Variants in ZNRF3 observed in about 807,000 individuals in gnomAD.
ZNRF3 encodes zinc and ring finger 3, also known as E3 ubiquitin-protein ligase ZNRF3.
Under a neutral mutation model 72.5 loss-of-function variants are expected in ZNRF3, and 23 were observed. The ratio of observed to expected loss-of-function variants is 0.32; its 90% CI spans 0.23 to 0.45. The LOEUF (loss-of-function observed/expected upper bound fraction) is 0.45, where lower values mean the gene tolerates loss of function less well. Ranked by LOEUF, ZNRF3 falls within the 20% of genes least tolerant of loss-of-function variation. The pLI is 1.00. For synonymous variants in ZNRF3, 610 were observed against 545.3 expected (o/e 1.12, Z -1.65); for missense variants, 1,169 against 1,272.1 (o/e 0.92, Z 1.23).
intron 1 of ZNRF3, among the ~76,000 whole-genome samples, chr22:28,908,558 C>T (rs2034256097): frequency 6.6e-6 from 1 of 152,052 alleles, no homozygotes; most frequent in Non-Finnish European, 1.5e-5. Context: ...TTTAAATGAT[C>T]CTTGTGGAGC....
intron 1 of ZNRF3, among the ~76,000 whole-genome samples, chr22:28,964,216 G>A (rs1169529775): frequency 6.6e-6 from 1 of 152,180 alleles, no homozygotes; most frequent in Non-Finnish European, 1.5e-5. Context: ...TATATTGATT[G>A]TGTTTCTAAG....
At chr22:29,011,211 G>C (rs1196281506) in intron 2 of ZNRF3, among the ~76,000 whole-genome samples, 4 of 152,168 alleles carry the variant, frequency 2.6e-5, no homozygotes, top group Non-Finnish European at 5.9e-5. Flanking sequence ...TAGGCTCTTG[G>C]GGTCTTGATG....
chr22:29,017,788 T>G (rs542835762), intron 2 of ZNRF3, among the ~76,000 whole-genome samples: 1 of 152,204 alleles, frequency 6.6e-6, no homozygotes, highest in South Asian at 2.1e-4. Flanking sequence ...CTTATATCCG[T>G]CAACCAGGAT....
At chr22:28,974,495 C>T (rs2035635167) in intron 1 of ZNRF3, among the ~76,000 whole-genome samples, 1 of 152,136 alleles carries the variant, frequency 6.6e-6, no homozygotes, top group South Asian at 2.1e-4. Flanking sequence ...GCCTGGTGTC[C>T]AGCCACAAGG....
chr22:28,901,736 G>A (rs1402525122), intron 1 of ZNRF3, among the ~76,000 whole-genome samples: 1 of 149,006 alleles, frequency 6.7e-6, no homozygotes, highest in East Asian at 2.0e-4. Flanking sequence ...TGCCTCCTGG[G>A]TTCAAGCGAT....
chr22:29,001,484 T>TTTTTC, intron 2 of ZNRF3, among the ~76,000 whole-genome samples: 1 of 149,752 alleles, frequency 6.7e-6, no homozygotes, highest in South Asian at 2.1e-4. Context: ...TTTTTTTTTT[T>TTTTTC]TTTTTGAGAT....
intron 1 of ZNRF3, among the ~76,000 whole-genome samples, chr22:28,980,865 G>T (rs1462311099): frequency 1.3e-5 from 2 of 151,756 alleles, no homozygotes; most frequent in Non-Finnish European, 2.9e-5. Flanking sequence ...TTTTCTTTAC[G>T]TTTTCATTAG....
At chr22:28,937,872 C>T (rs916646491) in intron 1 of ZNRF3, among the ~76,000 whole-genome samples, 2 of 152,226 alleles carry the variant, frequency 1.3e-5, no homozygotes, top group South Asian at 2.1e-4. Context: ...AAAAAAACAA[C>T]CTTCTTTCTT....
At chr22:28,977,780 T>A (rs2035701502) in intron 1 of ZNRF3, among the ~76,000 whole-genome samples, 1 of 152,168 alleles carries the variant, frequency 6.6e-6, no homozygotes, top group Non-Finnish European at 1.5e-5. Flanking sequence ...GTGTAGAGAT[T>A]TGTAACCTTG....
At chr22:28,897,457 A>C (rs969354988) in intron 1 of ZNRF3, among the ~76,000 whole-genome samples, 21 of 152,146 alleles carry the variant, frequency 1.4e-4, no homozygotes, top group Non-Finnish European at 2.9e-4. Flanking sequence ...AGTAGCTGGG[A>C]CCACAGAAAT....
At chr22:29,023,676 A>G (rs2036576209) in intron 2 of ZNRF3, among the ~76,000 whole-genome samples, 1 of 152,172 alleles carries the variant, frequency 6.6e-6, no homozygotes, top group Admixed American at 6.5e-5. Context: ...GAGAAGTAGG[A>G]TCAGTCATTT....
intron 2 of ZNRF3, among the ~76,000 whole-genome samples, chr22:29,020,014 C>T (rs547287773): frequency 3.9e-4 from 59 of 152,116 alleles, no homozygotes; most frequent in African/African-American, 1.1e-3. Flanking sequence ...GACCTCCCCC[C>T]CAATCCCCCC....
chr22:29,046,935 C>G (rs747538593), intron 6 of ZNRF3, 52 bp downstream of exon 6: 1 of 1,440,886 alleles, frequency 6.9e-7, no homozygotes, highest in Admixed American at 2.4e-5. Flanking sequence ...GGCAGGTCAG[C>G]AGAGGTGCCC....
At chr22:28,924,207 G>T (rs1420828905) in intron 1 of ZNRF3, among the ~76,000 whole-genome samples, 1 of 152,222 alleles carries the variant, frequency 6.6e-6, no homozygotes, top group Non-Finnish European at 1.5e-5. Flanking sequence ...CATCTGGAGG[G>T]CTCCACTCTG....
rs530036984 is a variant in ZNRF3 at position 28,966,867 on chromosome 22, C to CTTTTTTTT, written c.301-20194_301-20187dup. ...GTTACAGGCACATAGTTTTAAAAAT[C>CTTTTTTTT]TTTTTTTTTTTTTTTTTTTTTTGAG... On this transcript the variant is annotated intron_variant, in intron 1 of 8. Transcript: ENST00000544604. Among the ~76,000 whole-genome samples the CTTTTTTTT allele has an allele frequency of 1.3e-3, 129 of 102,436 alleles. 4 individuals are homozygous for CTTTTTTTT. The highest frequency in any genetic ancestry group is 5.6e-3 in the Middle Eastern group (1 of 178). 67.2% of individuals were successfully genotyped at this position (102,436 alleles called of 152,430 possible).
chr22:28,897,369 G>A (rs191151913), intron 1 of ZNRF3, among the ~76,000 whole-genome samples: 1 of 152,266 alleles, frequency 6.6e-6, no homozygotes, highest in East Asian at 1.9e-4. Flanking sequence ...CACCCAGGCT[G>A]GAGTACAGTG....
chr22:29,033,309 C>T (rs985580022), intron 2 of ZNRF3, among the ~76,000 whole-genome samples: 35 of 146,880 alleles, frequency 2.4e-4, no homozygotes, highest in African/African-American at 8.8e-4. Flanking sequence ...TAAGATTGTG[C>T]CACTGCACTC....
intron 1 of ZNRF3, among the ~76,000 whole-genome samples, chr22:28,969,226 A>G (rs2123811828): frequency 6.6e-6 from 1 of 152,328 alleles, no homozygotes; most frequent in Non-Finnish European, 1.5e-5. Flanking sequence ...TAGAGCTCCC[A>G]GCACCACCAC....
At chr22:29,032,332 G>A (rs1326409847) in intron 2 of ZNRF3, among the ~76,000 whole-genome samples, 1 of 152,134 alleles carries the variant, frequency 6.6e-6, no homozygotes, top group Non-Finnish European at 1.5e-5. Context: ...CAAGTGGTTG[G>A]GCTTGTTTTC....
Sources: allele counts gnomAD v4.1 joint callset (sites outside exome capture counted in the v4.1 genomes callset), GRCh38; gene constraint gnomAD v4.1.1; transcripts MANE v1.5; gene names NCBI Gene and HGNC (gene_info 2026-07-23, HGNC 2026-07-21).